RRM2B: variants seen among roughly 807,000 people sequenced by gnomAD.
The protein encoded by RRM2B is ribonucleoside-diphosphate reductase subunit M2 B.
RRM2B carries 20 observed loss-of-function variants against 45.9 expected under a neutral mutation model. The observed-to-expected ratio is 0.44, with a 90% CI of 0.31 to 0.63. The LOEUF (loss-of-function observed/expected upper bound fraction) is 0.63. RRM2B is among the 30% of genes least tolerant of loss of function. The probability of loss-of-function intolerance (pLI) is 0.09; values close to 1 mark genes in which losing one functional copy is unlikely to be tolerated. For missense variants in RRM2B, 320 were observed against 414.7 expected (o/e 0.77, Z 1.98); for synonymous variants, 124 against 132.3 (o/e 0.94, Z 0.43).
chr8:102,212,384 A>G (rs1430253077), intron 8 of RRM2B, among the ~76,000 whole-genome samples: 1 of 152,234 alleles, frequency 6.6e-6, no homozygotes, highest in Non-Finnish European at 1.5e-5. Context: ...TTATATTGTG[A>G]CAGTTAATGT....
At position 102,220,005 on chromosome 8, in the gene RRM2B, G is replaced by A. The variant is rs1273400954; in HGVS notation, c.551-1058C>T. Reference sequence around the variant, plus strand: ...TGTAATACCAGCACTTTGGTAGACCGAGGAAGGAGGATCACTTGAATGCAG... The same window carrying A: ...TGTAATACCAGCACTTTGGTAGACCAAGGAAGGAGGATCACTTGAATGCAG... On this transcript the variant is annotated intron_variant, in intron 5 of 8. Coordinates refer to ENST00000251810, the MANE Select transcript of RRM2B (RefSeq NM_015713.5). Among the ~76,000 whole-genome samples, 7 of 152,288 alleles carry A rather than the reference G, an allele frequency of 4.6e-5. 1 individual carries two copies. In the South Asian group the frequency reaches 8.3e-4, roughly 18 times the overall value.
At chr8:102,225,407 T>C (rs951641232) in intron 3 of RRM2B, among the ~76,000 whole-genome samples, 2 of 152,102 alleles carry the variant, frequency 1.3e-5, no homozygotes, top group Non-Finnish European at 2.9e-5. Context: ...CTAATTTTTG[T>C]ATTTTTAGTA....
At chr8:102,208,877 G>A (rs1003218980) in intron 8 of RRM2B, among the ~76,000 whole-genome samples, 1 of 152,154 alleles carries the variant, frequency 6.6e-6, no homozygotes, top group Non-Finnish European at 1.5e-5. Flanking sequence ...GGCCGAGCAT[G>A]GTGGCTCATG....
intron 8 of RRM2B, among the ~76,000 whole-genome samples, chr8:102,210,532 G>A (rs1027058000): frequency 5.3e-5 from 8 of 151,590 alleles, no homozygotes; most frequent in South Asian, 2.1e-4. Context: ...GCACAATCTC[G>A]GCTCACTGCA....
intron 7 of RRM2B, 90 bp downstream of exon 7, chr8:102,213,964 G>T: frequency 1.2e-6 from 1 of 863,614 alleles, no homozygotes; most frequent in Non-Finnish European, 2.0e-6. Context: ...TATTTTTATT[G>T]ACCTACAGAA....
At chr8:102,222,999 T>G (rs1346458341) in intron 5 of RRM2B, among the ~76,000 whole-genome samples, 1 of 152,130 alleles carries the variant, frequency 6.6e-6, no homozygotes, top group East Asian at 1.9e-4. Flanking sequence ...TTTGGAGTGC[T>G]CAATAATTTT....
intron 8 of RRM2B, 32 bp from the exon 9 acceptor site, chr8:102,208,317 T>C: frequency 6.9e-7 from 1 of 1,451,262 alleles, no homozygotes; most frequent in South Asian, 1.2e-5. Context: ...TTAGACATTC[T>C]GAAGAGATCA....
At chr8:102,215,045 TAAAAAA>T (rs3063793) in intron 6 of RRM2B, among the ~76,000 whole-genome samples, 6 of 61,776 alleles carry the variant, frequency 9.7e-5, no homozygotes, top group African/African-American at 4.1e-4. Context: ...AGCTAAATAT[TAAAAAA>T]AAAAAAAAAA....
chr8:102,209,259 T>C (rs1217426461), intron 8 of RRM2B, among the ~76,000 whole-genome samples: 1 of 151,986 alleles, frequency 6.6e-6, no homozygotes, highest in Non-Finnish European at 1.5e-5. Context: ...AATTTAGGAG[T>C]ATCCCAGCAA....
At chr8:102,238,530 A>G (rs1336328437) in intron 1 of RRM2B, 3 of 1,467,936 alleles carry the variant, frequency 2.0e-6, no homozygotes, top group Non-Finnish European at 2.7e-6. Context: ...GGAGAGCGTG[A>G]GGCGGATAAA....
chr8:102,237,838 A>G (rs2132569078), intron 1 of RRM2B, among the ~76,000 whole-genome samples: 1 of 152,346 alleles, frequency 6.6e-6, no homozygotes, highest in Admixed American at 6.5e-5. Context: ...ATCAAGTTAA[A>G]TAAAATAAAA....
intron 3 of RRM2B, 45 bp from the exon 4 acceptor site, chr8:102,225,063 C>A: frequency 6.2e-7 from 1 of 1,603,816 alleles, no homozygotes; most frequent in South Asian, 1.1e-5. Flanking sequence ...TATAGGCTCT[C>A]ATTAAACACT....
Position 102,238,757 on chromosome 8 carries a change from G to C in RRM2B, c.48+70C>G, listed in dbSNP as rs765110863. On this transcript the variant is annotated intron_variant, in intron 1 of 8. Transcript: ENST00000251810. ...GCGGCGAATAACATTTCCTACAGCG[G>C]TCCTGCAACTTGCAATCTAACGGGC... 5.6e-6 allele frequency: 9 copies of C among 1,611,934 alleles called. No individual in the cohort carries two copies. In the African/African-American group the frequency reaches 9.3e-5, roughly 17 times the overall value.
intron 2 of RRM2B, among the ~76,000 whole-genome samples, chr8:102,227,737 G>GA (rs1810956856): frequency 6.6e-6 from 1 of 152,140 alleles, no homozygotes; most frequent in Non-Finnish European, 1.5e-5. Context: ...CCAAGATCAG[G>GA]ATGTCAGCAT....
intron 1 of RRM2B, among the ~76,000 whole-genome samples, chr8:102,237,218 A>G (rs968067893): frequency 6.6e-6 from 1 of 152,196 alleles, no homozygotes; most frequent in Admixed American, 6.5e-5. Context: ...GCAATAGTTA[A>G]CTCTGAGAAA....
chr8:102,218,809 CT>C lies in RRM2B; in HGVS notation c.684+4del, dbSNP rs1810776593. The C allele has an allele frequency of 6.2e-7, 1 of 1,606,468 alleles. No homozygotes were observed. Among genetic ancestry groups the C allele is most frequent in the Non-Finnish European group, 8.5e-7 (1 of 1,173,514 alleles). On this transcript the variant is annotated splice_donor_region_variant and intron_variant, in intron 6 of 8. Coordinates refer to ENST00000251810, the MANE Select transcript of RRM2B (RefSeq NM_015713.5). ...ATATAACTAGAAAAACATTCCATTC[CT>C]TACTTCATCTCTGCTGATGAGTTCA...
At chr8:102,224,003 C>A (rs1434367776) in intron 5 of RRM2B, 43 bp downstream of exon 5, 1 of 1,357,764 alleles carries the variant, frequency 7.4e-7, no homozygotes, top group South Asian at 1.2e-5. Context: ...ACTGTCATAT[C>A]ACCTTAGGCA....
At chr8:102,223,924 T>C in intron 5 of RRM2B, 122 bp downstream of exon 5, 1 of 774,294 alleles carries the variant, frequency 1.3e-6, no homozygotes, top group South Asian at 1.4e-5. Context: ...AAAGGTGCAT[T>C]TGAGACATTT....
At chr8:102,223,096 T>TA (rs1160217958) in intron 5 of RRM2B, among the ~76,000 whole-genome samples, 1 of 151,964 alleles carries the variant, frequency 6.6e-6, no homozygotes, top group Non-Finnish European at 1.5e-5. Context: ...GAACACCAAT[T>TA]AAAAATAGAT....
Sources: gnomAD v4.1 joint callset for allele counts (sites outside exome capture counted in the v4.1 genomes callset) on GRCh38, gnomAD v4.1.1 for gene constraint, MANE v1.5 for transcripts, NCBI Gene and HGNC (gene_info 2026-07-23, HGNC 2026-07-21) for gene names.